The following RBM38 variants were observed in gnomAD, a reference collection of about 807,000 sequenced individuals.
RBM38 encodes the protein RNA-binding protein 38.
RBM38 carries 11 observed loss-of-function variants against 23.5 expected under a neutral mutation model. The ratio of observed to expected loss-of-function variants is 0.47; its 90% CI spans 0.29 to 0.77. The LOEUF (loss-of-function observed/expected upper bound fraction) is 0.77, where lower values mean the gene tolerates loss of function less well. Among genes scored for constraint, RBM38 ranks in the 30% least tolerant of loss-of-function variants. The pLI, the probability that RBM38 is intolerant of heterozygous loss-of-function variation, is 0.08. For missense variants in RBM38, 330 were observed against 351.9 expected, an observed-to-expected ratio of 0.94 and a Z score of 0.50; for synonymous variants, 165 against 166.1, an observed-to-expected ratio of 0.99 and a Z score of 0.05.
In RBM38 at chr20:57,407,199, G is replaced by A. The variant is rs980001127; in HGVS notation, c.417-344G>A. 6.6e-6 allele frequency among the ~76,000 whole-genome samples: 1 copy of A among 152,086 alleles called. No homozygotes were observed. Among genetic ancestry groups the A allele is most frequent in the Non-Finnish European group, 1.5e-5 (1 of 68,016 alleles). On this transcript the variant is annotated intron_variant, in intron 3 of 3. Coordinates refer to ENST00000356208, the MANE Select transcript of RBM38 (RefSeq NM_017495.6). The surrounding 1 kb of genome is among the most constrained non-coding windows in gnomAD (Gnocchi z 4.0). ...CTTGATCGCATGCTCCGCCGTCGTG[G>A]CTTCAAACTCTCAATCATTTGAAAA...
At chr20:57,399,749 G>T (rs760789195) in intron 3 of RBM38, among the ~76,000 whole-genome samples, 1 of 152,204 alleles carries the variant, frequency 6.6e-6, no homozygotes, top group Non-Finnish European at 1.5e-5. Context: ...GGATTCCCGG[G>T]AGGCAGGGCC....
chr20:57,393,362 G>A (rs1289327753), intron 3 of RBM38, 29 bp downstream of exon 3: 5 of 1,610,716 alleles, frequency 3.1e-6, no homozygotes, highest in Middle Eastern at 1.7e-4. Context: ...CTTGGGGTGG[G>A]TAGTCCGTGG....
In RBM38 at chr20:57,407,793, A is replaced by G; in HGVS notation, c.667A>G (p.Thr223Ala). ...CCTCTCAGCCGCAGCACCCGCGGGC[A>G]CCACTTTCGTGCAGTACCAGGCGCC... ...QALSAAAPAG[T>A]TFVQYQAPQL... Residue 223 changes from threonine (T) to alanine (A), a missense_variant, in exon 4 of 4, where the codon ACC becomes GCC. By Grantham distance (58) the Thr-to-Ala change is moderately conservative. Transcript: ENST00000356208. The surrounding 1 kb of genome is among the most constrained non-coding windows in gnomAD (Gnocchi z 4.0). 6.2e-7 allele frequency: 1 copy of G among 1,601,720 alleles called. No individual in the cohort carries two copies. The highest frequency in any genetic ancestry group is 8.5e-7 in the Non-Finnish European group (1 of 1,176,098).
At position 57,407,690 on chromosome 20, in the gene RBM38, C is replaced by T; in HGVS notation, c.564C>T (p.Asp188=). 1 of 1,613,006 alleles carries T rather than the reference C, an allele frequency of 6.2e-7. No individual in the cohort carries two copies. Among genetic ancestry groups the T allele is most frequent in the South Asian group, 1.1e-5 (1 of 91,090 alleles). Residue 188 remains aspartate (D), a synonymous_variant, in exon 4 of 4, where the codon GAC becomes GAT. Transcript: ENST00000356208. This position sits in a 1 kb window ranked among gnomAD's most constrained non-coding sequence, Gnocchi z 4.0. ...AYAQYPPATY[D]QYPYAASPAT... ...CCCAGTACCCACCGGCCACCTATGA[C>T]CAGTACCCATACGCCGCCTCGCCTG...
intron 3 of RBM38, among the ~76,000 whole-genome samples, chr20:57,403,601 T>TG (rs557881887): frequency 1.6e-4 from 25 of 152,174 alleles, no homozygotes; most frequent in Admixed American, 3.9e-4. Flanking sequence ...CTCTGGGAGA[T>TG]GGGCTAACAC....
chr20:57,395,152 G>T, intron 3 of RBM38, among the ~76,000 whole-genome samples: 1 of 152,350 alleles, frequency 6.6e-6, no homozygotes, highest in Admixed American at 6.5e-5. Context: ...GGCCTCTGAG[G>T]ATGGGACTGA....
rs1428470492 is a variant in RBM38, at chr20:57,408,988, A to G, written c.*1142A>G. On this transcript the variant is annotated 3_prime_UTR_variant, in exon 4 of 4. Transcript: ENST00000356208. ...GCAGAAGGGTGCGCCTCTTCCCTCTACCCCCGCACCACCTGCTGTGTGCCA... is the reference window on the plus strand; with the variant it reads ...GCAGAAGGGTGCGCCTCTTCCCTCTGCCCCCGCACCACCTGCTGTGTGCCA... The G allele has an allele frequency of 6.6e-6, 1 of 150,942 alleles. No homozygotes were observed. Among genetic ancestry groups the G allele is most frequent in the Non-Finnish European group, 1.5e-5 (1 of 67,654 alleles). 9.4% of individuals were successfully genotyped at this position (150,942 alleles called of 1,614,324 possible). A position where few individuals can be genotyped will look rare whatever the true frequency, so the allele number is the denominator to read the frequency against.
At position 57,407,008 on chromosome 20, in the gene RBM38, A is replaced by C. The variant is rs1471975182; in HGVS notation, c.417-535A>C. ...GACTCTGTCTCAAAAAAAAAAAAAA[A>C]AACAAACCCTGTGAGGAGCAGGTGT... On this transcript the variant is annotated intron_variant, in intron 3 of 3. Coordinates refer to ENST00000356208, the MANE Select transcript of RBM38 (RefSeq NM_017495.6). This position sits in a 1 kb window ranked among gnomAD's most constrained non-coding sequence, Gnocchi z 4.0. Among the ~76,000 whole-genome samples the C allele has an allele frequency of 3.3e-5, 5 of 150,426 alleles. No individual in the cohort carries two copies. The highest frequency in any genetic ancestry group is 3.9e-4 in the East Asian group (2 of 5,168).
intron 3 of RBM38, among the ~76,000 whole-genome samples, chr20:57,395,882 T>C (rs1331535326): frequency 6.6e-6 from 1 of 152,224 alleles, no homozygotes; most frequent in Non-Finnish European, 1.5e-5. Context: ...GGCCTTGGGC[T>C]GGCAGCGACT....
chr20:57,392,356 C>G, intron 1 of RBM38: 3 of 1,429,476 alleles, frequency 2.1e-6, no homozygotes. Flanking sequence ...AGGCGGCCCC[C>G]CAAGCTCCCT....
At chr20:57,400,558 C>T (rs2067317125) in intron 3 of RBM38, among the ~76,000 whole-genome samples, 1 of 152,188 alleles carries the variant, frequency 6.6e-6, no homozygotes, top group African/African-American at 2.4e-5. Context: ...CTGAGTCATC[C>T]TTCCGCAGAC....
In RBM38 at chr20:57,407,452, G is replaced by C. The variant is rs1197950745; in HGVS notation, c.417-91G>C. The C allele has an allele frequency of 2.9e-6, 4 of 1,391,042 alleles. No homozygotes were observed. The highest frequency in any genetic ancestry group is 2.5e-5 in the East Asian group (1 of 40,072). The allele number at this position is 1,391,042 out of a possible 1,614,324, so 86.2% of individuals were successfully genotyped here. ...GATGAGGAAAGTCGGGGCTCGGGGTGGGGGGCGGCACGCATCGTGTACCCC... is the reference window on the plus strand; with the variant it reads ...GATGAGGAAAGTCGGGGCTCGGGGTCGGGGGCGGCACGCATCGTGTACCCC... On this transcript the variant is annotated intron_variant, in intron 3 of 3. Transcript: ENST00000356208. This position sits in a 1 kb window ranked among gnomAD's most constrained non-coding sequence, Gnocchi z 4.0.
chr20:57,399,582 G>T (rs2067307272), intron 3 of RBM38, among the ~76,000 whole-genome samples: 1 of 152,224 alleles, frequency 6.6e-6, no homozygotes, highest in Non-Finnish European at 1.5e-5. Context: ...TGGGGAGAAG[G>T]TCAGGAGTTG....
At chr20:57,405,786 C>T (rs1258034628) in intron 3 of RBM38, among the ~76,000 whole-genome samples, 1 of 151,942 alleles carries the variant, frequency 6.6e-6, no homozygotes, top group African/African-American at 2.4e-5. Flanking sequence ...CTCTCTGACC[C>T]TGAGGGTCCC....
In RBM38 at chr20:57,392,144, G is replaced by C. The variant is rs539571942; in HGVS notation, c.237+326G>C. The C allele has an allele frequency of 4.7e-4, 115 of 246,968 alleles. No homozygotes were observed. In the East Asian group the frequency reaches 6.5e-3, roughly 14 times the overall value. 15.3% of individuals were successfully genotyped at this position (246,968 alleles called of 1,614,324 possible). ...CACTCGGGATTTCCTGGAGCAGCGG[G>C]GGGTGAGGAGCAATGGCTCCACCCC... On this transcript the variant is annotated intron_variant, in intron 1 of 3. Transcript: ENST00000356208.
chr20:57,398,703 C>T (rs1000052603), intron 3 of RBM38, among the ~76,000 whole-genome samples: 19 of 152,232 alleles, frequency 1.2e-4, no homozygotes, highest in African/African-American at 3.9e-4. Flanking sequence ...GGCTCTTCTC[C>T]GAGCATGAGT....
chr20:57,399,112 C>G (rs1275278878), intron 3 of RBM38, among the ~76,000 whole-genome samples: 6 of 152,162 alleles, frequency 3.9e-5, no homozygotes, highest in Non-Finnish European at 7.4e-5. Context: ...GTCAGCATGC[C>G]TCAGAAGGCG....
intron 3 of RBM38, among the ~76,000 whole-genome samples, chr20:57,397,284 T>G (rs1479426248): frequency 6.6e-6 from 1 of 152,242 alleles, no homozygotes; most frequent in Non-Finnish European, 1.5e-5. Context: ...AAACCGAGGC[T>G]TAGAGCAACT....
intron 3 of RBM38, among the ~76,000 whole-genome samples, chr20:57,398,310 G>C (rs2067295310): frequency 6.6e-6 from 1 of 152,132 alleles, no homozygotes; most frequent in African/African-American, 2.4e-5. Context: ...GCTGGGGAAG[G>C]CTCCACTGAG....
Sources: allele counts gnomAD v4.1 joint callset (sites outside exome capture counted in the v4.1 genomes callset), GRCh38; gene constraint gnomAD v4.1.1; non-coding constraint Gnocchi (gnomAD v3.1); transcripts MANE v1.5; gene names NCBI Gene and HGNC (gene_info 2026-07-23, HGNC 2026-07-21).